Variants in KLHDC4 observed in about 807,000 individuals in gnomAD.
The protein encoded by KLHDC4 is kelch domain containing 4.
KLHDC4 carries 90 observed loss-of-function variants against 62.4 expected under a neutral mutation model. That is an observed-to-expected ratio of 1.44 (90% CI 1.22 to 1.72). The LOEUF (loss-of-function observed/expected upper bound fraction) is 1.72. Ranked by LOEUF, KLHDC4 falls within the 40% of genes most tolerant of loss-of-function variation. The probability of loss-of-function intolerance (pLI) is 0.00; values close to 1 mark genes in which losing one functional copy is unlikely to be tolerated. For synonymous variants in KLHDC4, 386 were observed against 284.4 expected (o/e 1.36, Z -3.59); for missense variants, 1,025 against 699.7 (o/e 1.47, Z -5.25).
chr16:87,724,696 G>A (rs561722774), intron 7 of KLHDC4, among the ~76,000 whole-genome samples: 14 of 152,274 alleles, frequency 9.2e-5, no homozygotes, highest in South Asian at 2.1e-4. Context: ...GGTATGAACA[G>A]GGGGCAACTG....
chr16:87,747,651 A>C (rs569881874), intron 5 of KLHDC4: 2 of 152,334 alleles, frequency 1.3e-5, no homozygotes, highest in South Asian at 2.1e-4. Flanking sequence ...ATCTGTCTGC[A>C]CCCTCCCCAC....
At chr16:87,727,654 C>T (rs904503051) in intron 6 of KLHDC4, among the ~76,000 whole-genome samples, 5 of 152,272 alleles carry the variant, frequency 3.3e-5, no homozygotes, top group African/African-American at 9.6e-5. Flanking sequence ...GACTCGGAGG[C>T]GCACCCAGAA....
intron 7 of KLHDC4, among the ~76,000 whole-genome samples, chr16:87,718,757 C>G (rs79006880): frequency 6.6e-6 from 1 of 151,128 alleles, no homozygotes; most frequent in African/African-American, 2.4e-5. Context: ...TCTTCCCGGC[C>G]GCCATCCTGT....
chr16:87,709,265 C>T lies in KLHDC4; in HGVS notation c.1447G>A (p.Glu483Lys). The change falls in exon 10 of 12, where the codon GAA (glutamate) becomes AAA (lysine). Residue 483 changes from glutamate (E) to lysine (K), a missense_variant and splice_region_variant. Physicochemically the swap from Glu to Lys is moderately conservative, Grantham distance 56. Transcript: ENST00000270583. ...AWKALVEMDP[E>K]TQEWLEETDS... ...GGAGGCACCAAGCTGCCTGGCTCAC[C>T]TGGGTCCATCTCCACCAAGGCCTTC... is the stretch of plus-strand genomic sequence containing the variant. 6.2e-7 allele frequency: 1 copy of T among 1,606,148 alleles called. No individual in the cohort carries two copies. Among genetic ancestry groups the T allele is most frequent in the Non-Finnish European group, 8.5e-7 (1 of 1,175,896 alleles).
At chr16:87,730,940 A>C (rs1178764494) in intron 5 of KLHDC4, 1 of 239,686 alleles carries the variant, frequency 4.2e-6, no homozygotes, top group Non-Finnish European at 8.0e-6. Flanking sequence ...AACATAAAAA[A>C]CTTCAAAAAT....
At chr16:87,735,766 T>C (rs2041206115) in intron 5 of KLHDC4, among the ~76,000 whole-genome samples, 1 of 152,208 alleles carries the variant, frequency 6.6e-6, no homozygotes, top group Admixed American at 6.5e-5. Flanking sequence ...CAGAGGCCTA[T>C]GGACAGCACA....
chr16:87,745,803 G>C (rs2042953670), intron 5 of KLHDC4, among the ~76,000 whole-genome samples: 1 of 152,136 alleles, frequency 6.6e-6, no homozygotes, highest in African/African-American at 2.4e-5. Context: ...ATGCGGAAAG[G>C]GACACGGACA....
At chr16:87,706,207 A>G (rs1419425651), downstream of KLHDC4, among the ~76,000 whole-genome samples, 7 of 71,422 alleles carry the variant, frequency 9.8e-5, no homozygotes, top group South Asian at 5.9e-4. Context: ...TAATGCAAAC[A>G]CAAGCTGCAG....
chr16:87,723,445 C>G (rs548666854), intron 7 of KLHDC4, among the ~76,000 whole-genome samples: 2 of 152,390 alleles, frequency 1.3e-5, no homozygotes, highest in South Asian at 2.1e-4. Flanking sequence ...CTTAGCCGGT[C>G]TGGCTGTTCA....
In KLHDC4 at chr16:87,714,591, T is replaced by G. The variant is rs766260475; in HGVS notation, c.760-18A>C. On this transcript the variant is annotated intron_variant, in intron 7 of 11. Transcript: ENST00000270583. The stretch of plus-strand genomic sequence containing the variant: ...TTAACTCTCTGCAATGGAAAGGAAT[T>G]GTGTGAGAACCGGGGGCAGCTACAG... 6.2e-7 allele frequency: 1 copy of G among 1,613,930 alleles called. No individual in the cohort carries two copies. The highest frequency in any genetic ancestry group is 1.1e-5 in the South Asian group (1 of 91,084).
intron 7 of KLHDC4, among the ~76,000 whole-genome samples, chr16:87,720,402 G>A (rs574555566): frequency 6.6e-6 from 1 of 152,276 alleles, no homozygotes; most frequent in East Asian, 1.9e-4. Context: ...GTCCATCCAG[G>A]CGCCCGAAGA....
intron 7 of KLHDC4, among the ~76,000 whole-genome samples, chr16:87,721,506 G>A (rs1419179822): frequency 6.6e-6 from 1 of 150,680 alleles, no homozygotes; most frequent in Non-Finnish European, 1.5e-5. Flanking sequence ...CCACTGTCGC[G>A]CCCAATTCCC....
chr16:87,708,299 C>T, intron 11 of KLHDC4, 51 bp downstream of exon 11: 2 of 1,225,268 alleles, frequency 1.6e-6, no homozygotes, highest in South Asian at 2.7e-5. Flanking sequence ...CATGAAAAGC[C>T]TTTCACGAAC....
At chr16:87,713,672 T>C (rs2036342218) in intron 8 of KLHDC4, among the ~76,000 whole-genome samples, 1 of 151,902 alleles carries the variant, frequency 6.6e-6, no homozygotes, top group Non-Finnish European at 1.5e-5. Flanking sequence ...TCTCAGCACA[T>C]GACCCACGCC....
At chr16:87,754,059 G>C (rs549435220) in intron 4 of KLHDC4, among the ~76,000 whole-genome samples, 4 of 150,454 alleles carry the variant, frequency 2.7e-5, no homozygotes, top group Admixed American at 2.0e-4. Context: ...AGAATCCCTT[G>C]AACCCAGGAG....
intron 5 of KLHDC4, among the ~76,000 whole-genome samples, chr16:87,747,192 G>A (rs944426146): frequency 4.6e-5 from 7 of 152,200 alleles, no homozygotes; most frequent in African/African-American, 7.2e-5. Flanking sequence ...CAGAGGCACC[G>A]GAGCCAACAC....
chr16:87,714,676 C>A, intron 7 of KLHDC4, 103 bp from the exon 8 acceptor site: 1 of 1,244,984 alleles, frequency 8.0e-7, no homozygotes, highest in Non-Finnish European at 1.2e-6. Flanking sequence ...GGCTGGAGGC[C>A]TTCCCTGTAG....
At chr16:87,739,947 G>C (rs1321631378) in intron 5 of KLHDC4, 2 of 152,232 alleles carry the variant, frequency 1.3e-5, no homozygotes, top group South Asian at 2.1e-4. Flanking sequence ...ACCAATGAAT[G>C]ACACATTTTA....
intron 5 of KLHDC4, among the ~76,000 whole-genome samples, chr16:87,732,861 G>A (rs372811571): frequency 1.3e-5 from 2 of 149,160 alleles, no homozygotes; most frequent in African/African-American, 2.5e-5. Flanking sequence ...TTCTACAGGT[G>A]AAAAGGCAGG....
Sources: gnomAD v4.1 joint callset for allele counts (sites outside exome capture counted in the v4.1 genomes callset) on GRCh38, gnomAD v4.1.1 for gene constraint, MANE v1.5 for transcripts, NCBI Gene and HGNC (gene_info 2026-07-23, HGNC 2026-07-21) for gene names.